PLPBP: variants seen among roughly 807,000 people sequenced by gnomAD.
The protein encoded by PLPBP is pyridoxal phosphate binding protein.
Under a neutral mutation model 31.2 loss-of-function variants are expected in PLPBP, and 21 were observed. That is an observed-to-expected ratio of 0.67 (90% CI 0.48 to 0.97). The LOEUF (loss-of-function observed/expected upper bound fraction) is 0.97, where lower values mean the gene tolerates loss of function less well. PLPBP is among the 50% of genes least tolerant of loss of function. The pLI is 0.00. For missense variants in PLPBP, 308 were observed against 354.4 expected (o/e 0.87, Z 1.05); for synonymous variants, 124 against 135.6 (o/e 0.91, Z 0.59).
chr8:37,776,085 G>A (rs963456124), intron 7 of PLPBP, 69 bp downstream of exon 7: 1 of 1,425,436 alleles, frequency 7.0e-7, no homozygotes, highest in East Asian at 2.3e-5. Context: ...GCTGACACAA[G>A]AGCAGATCTT....
chr8:37,765,689 T>G (rs1244950402), intron 2 of PLPBP, 22 bp from the exon 3 acceptor site: 1 of 1,614,248 alleles, frequency 6.2e-7, no homozygotes, highest in Admixed American at 1.7e-5. Context: ...GGCTTCTGAC[T>G]TGTTCTGTTT....
intron 5 of PLPBP, 152 bp downstream of exon 5, chr8:37,773,041 A>G: frequency 1.1e-6 from 1 of 935,782 alleles, no homozygotes; most frequent in Non-Finnish European, 1.6e-6. Flanking sequence ...TGTGTGATCT[A>G]GGTAGCATAA....
rs556143070 is a variant in PLPBP at position 37,777,822 on chromosome 8, C to T, written c.697-151C>T. 20 of 753,184 alleles carry T rather than the reference C, an allele frequency of 2.7e-5. No individual in the cohort carries two copies. The Admixed American group carries it at 2.7e-4, about 10-fold the overall frequency. The allele number at this position is 753,184 out of a possible 1,614,324, so 46.7% of individuals were successfully genotyped here. A position where few individuals can be genotyped will look rare whatever the true frequency, so the allele number is the denominator to read the frequency against. On this transcript the variant is annotated intron_variant, in intron 7 of 7. Transcript: ENST00000328195. ...CCCTGATCTCGTGATCTGCCCACCTCGGCCTCCCAAAATGCTGGGATTACA... is the reference window on the plus strand; with the variant it reads ...CCCTGATCTCGTGATCTGCCCACCTTGGCCTCCCAAAATGCTGGGATTACA...
intron 4 of PLPBP, among the ~76,000 whole-genome samples, chr8:37,768,516 G>C (rs1030598878): frequency 2.3e-5 from 3 of 128,452 alleles, no homozygotes; most frequent in African/African-American, 8.8e-5. Flanking sequence ...TCTGTTGCCC[G>C]GGCTGGAGTG....
At chr8:37,773,604 G>T (rs541273183) in intron 5 of PLPBP, among the ~76,000 whole-genome samples, 27 of 152,182 alleles carry the variant, frequency 1.8e-4, no homozygotes, top group Admixed American at 4.6e-4. Context: ...GAGTAGCTGG[G>T]ATTACAGGCA....
In PLPBP at chr8:37,775,276, A is replaced by T. The variant is rs114532989; in HGVS notation, c.455-63A>T. On this transcript the variant is annotated intron_variant, in intron 5 of 7. Transcript: ENST00000328195. The stretch of plus-strand genomic sequence containing the variant: ...CTTCTGTCGTAAGGAAGGGAGGAAA[A>T]TGGAGCCTTCCTCTGGCCATTTACC... 1,127 of 1,587,164 alleles carry T rather than the reference A, an allele frequency of 7.1e-4. 4 individuals carry two copies. The African/African-American group carries it at 0.013, about 19-fold the overall frequency.
intron 7 of PLPBP, among the ~76,000 whole-genome samples, chr8:37,776,577 A>T (rs1803919873): frequency 6.6e-6 from 1 of 151,872 alleles, no homozygotes; most frequent in Non-Finnish European, 1.5e-5. Context: ...TAATTCCGTA[A>T]GTGTAATCTA....
chr8:37,763,223 G>A (rs998158306), intron 1 of PLPBP, among the ~76,000 whole-genome samples: 7 of 152,212 alleles, frequency 4.6e-5, no homozygotes, highest in Non-Finnish European at 8.8e-5. Context: ...GGTGAGGGTG[G>A]ACTGGCCGGA....
chr8:37,768,465 CTTTTTTTTTTTTTT>C lies in PLPBP; in HGVS notation c.319+2122_319+2135del, dbSNP rs903134254. On this transcript the variant is annotated intron_variant, in intron 4 of 7. Transcript: ENST00000328195. ...GGTATCTCCTTACAGTTTTGATTTT[CTTTTTTTTTTTTTT>C]TTTTTTTTTTTGAGACGGATTCTCA... 6.0e-4 allele frequency among the ~76,000 whole-genome samples: 46 copies of C among 76,830 alleles called. No homozygotes were observed. In the South Asian group the frequency reaches 6.2e-3, roughly 10 times the overall value. The allele number at this position is 76,830 out of a possible 152,430, so 50.4% of individuals were successfully genotyped here.
intron 4 of PLPBP, among the ~76,000 whole-genome samples, chr8:37,768,354 C>G (rs1404339070): frequency 1.3e-5 from 2 of 151,810 alleles, no homozygotes; most frequent in East Asian, 3.9e-4. Flanking sequence ...AAGTTAAACC[C>G]CAAAGCAACC....
chr8:37,768,379 A>G (rs981641245), intron 4 of PLPBP, among the ~76,000 whole-genome samples: 56 of 152,208 alleles, frequency 3.7e-4, no homozygotes, highest in Admixed American at 3.1e-3. Context: ...AAATAACACA[A>G]TAAAGAGTTA....
At chr8:37,768,461 T>G (rs1803690099) in intron 4 of PLPBP, among the ~76,000 whole-genome samples, 1 of 149,188 alleles carries the variant, frequency 6.7e-6, no homozygotes, top group Non-Finnish European at 1.5e-5. Context: ...ACAGTTTTGA[T>G]TTTCTTTTTT....
In PLPBP at chr8:37,777,654, A is replaced by G. The variant is rs1176582402; in HGVS notation, c.697-319A>G. On this transcript the variant is annotated intron_variant, in intron 7 of 7. Coordinates refer to ENST00000328195, the MANE Select transcript of PLPBP (RefSeq NM_007198.4). ...AATGGCGCAACCTCTGCTCACCGCA[A>G]CCTCCACCTCCTGGGTTCAAGCAAT... Among the ~76,000 whole-genome samples the G allele has an allele frequency of 3.8e-4, 58 of 151,844 alleles. 1 individual carries two copies. Among genetic ancestry groups the G allele is most frequent in the East Asian group, 1.9e-4 (1 of 5,188 alleles).
intron 7 of PLPBP, among the ~76,000 whole-genome samples, chr8:37,776,243 C>T (rs755080032): frequency 1.3e-5 from 2 of 151,506 alleles, no homozygotes; most frequent in Admixed American, 6.6e-5. Flanking sequence ...TTTGGGAGGC[C>T]GAGCCGGGCA....
At chr8:37,776,064 G>A (rs745313349) in intron 7 of PLPBP, 48 bp downstream of exon 7, 10 of 1,527,148 alleles carry the variant, frequency 6.5e-6, no homozygotes, top group South Asian at 4.5e-5. Flanking sequence ...TGGGGGTAGG[G>A]GGTCTGAGAG....
intron 3 of PLPBP, 80 bp from the exon 4 acceptor site, chr8:37,766,200 G>A: frequency 1.0e-6 from 1 of 1,003,964 alleles, no homozygotes. Context: ...TGTGAAAGGT[G>A]ACAGGGAGTG....
chr8:37,766,398 G>A (rs1003715622), intron 4 of PLPBP, 43 bp downstream of exon 4: 1 of 1,562,350 alleles, frequency 6.4e-7, no homozygotes. Context: ...TTCTGTCATT[G>A]TATTGCTTCT....
At chr8:37,764,276 G>A (rs976348922) in intron 1 of PLPBP, among the ~76,000 whole-genome samples, 2 of 150,852 alleles carry the variant, frequency 1.3e-5, no homozygotes, top group African/African-American at 2.4e-5. Context: ...CTAATTTTTT[G>A]TGTATTTTTA....
At chr8:37,763,112 A>G (rs2129762572) in intron 1 of PLPBP, among the ~76,000 whole-genome samples, 1 of 152,250 alleles carries the variant, frequency 6.6e-6, no homozygotes, top group South Asian at 2.1e-4. Flanking sequence ...AGACGGGGGT[A>G]CAAGAGCACC....
Sources: allele counts gnomAD v4.1 joint callset (sites outside exome capture counted in the v4.1 genomes callset), GRCh38; gene constraint gnomAD v4.1.1; transcripts MANE v1.5; gene names NCBI Gene and HGNC (gene_info 2026-07-23, HGNC 2026-07-21).